Variants in XRCC5 observed in about 807,000 individuals in gnomAD.
XRCC5 encodes DNA repair protein Ku80.
XRCC5 carries 12 observed loss-of-function variants against 95.7 expected under a neutral mutation model. The observed-to-expected ratio is 0.13, with a 90% confidence interval of 0.08 to 0.20. XRCC5 has a LOEUF of 0.20. Among genes scored for constraint, XRCC5 ranks in the 10% least tolerant of loss-of-function variants. The pLI is 1.00. For synonymous variants in XRCC5, 281 were observed against 290.3 expected (o/e 0.97, Z 0.33); for missense variants, 595 against 873.9 (o/e 0.68, Z 4.02).
chr2:216,199,303 T>C (rs1574437174), intron 19 of XRCC5, among the ~76,000 whole-genome samples: 2 of 152,370 alleles, frequency 1.3e-5, no homozygotes, highest in East Asian at 3.9e-4. Context: ...ATTATAACTT[T>C]ACATTTGTAT....
In XRCC5 at chr2:216,161,970, A is replaced by G. The variant is rs767195521; in HGVS notation, c.1765-9A>G. 2 of 1,613,362 alleles carry G rather than the reference A, an allele frequency of 1.2e-6. No individual in the cohort carries two copies. Among genetic ancestry groups the G allele is most frequent in the East Asian group, 2.2e-5 (1 of 44,868 alleles). ...ACCTGTAGGTTTATCATCTGTTGGT[A>G]TATTTTAGGTTGGAAGTGTGAATCC... On this transcript the variant is annotated splice_polypyrimidine_tract_variant and intron_variant, in intron 15 of 20. Transcript: ENST00000392132.
chr2:216,141,751 T>C (rs1697176291), intron 13 of XRCC5, among the ~76,000 whole-genome samples: 1 of 151,932 alleles, frequency 6.6e-6, no homozygotes, highest in South Asian at 2.1e-4. Flanking sequence ...TTTGTAAAAA[T>C]TTTTGTGAAG....
chr2:216,118,627 C>G (rs1696745110), intron 4 of XRCC5, among the ~76,000 whole-genome samples: 1 of 152,202 alleles, frequency 6.6e-6, no homozygotes, highest in African/African-American at 2.4e-5. Flanking sequence ...TTCTCAATCT[C>G]TGTACATCCT....
intron 19 of XRCC5, 54 bp from the exon 20 acceptor site, chr2:216,204,268 T>A: frequency 6.2e-7 from 1 of 1,609,426 alleles, no homozygotes; most frequent in Non-Finnish European, 8.5e-7. Flanking sequence ...TTGTTCCCTC[T>A]TTCAAAGGGG....
chr2:216,203,107 G>A (rs1464597450), intron 19 of XRCC5, among the ~76,000 whole-genome samples: 1 of 152,140 alleles, frequency 6.6e-6, no homozygotes, highest in Non-Finnish European at 1.5e-5. Context: ...TGAGAGTGAG[G>A]AAAGTATAAT....
chr2:216,174,910 C>T, intron 16 of XRCC5: 1 of 344,308 alleles, frequency 2.9e-6, no homozygotes, highest in Non-Finnish European at 5.6e-6. Context: ...CCTTCTGCTA[C>T]CATATCCGTC....
At chr2:216,123,823 T>TA (rs1232953629) in intron 6 of XRCC5, among the ~76,000 whole-genome samples, 10 of 152,214 alleles carry the variant, frequency 6.6e-5, no homozygotes, top group African/African-American at 2.2e-4. Flanking sequence ...AAAGAAAAAT[T>TA]AGAGGCCAAT....
chr2:216,159,439 A>G (rs1010373304), intron 14 of XRCC5, among the ~76,000 whole-genome samples: 5 of 152,216 alleles, frequency 3.3e-5, no homozygotes. Context: ...CTGTTAGCAT[A>G]TTGCACAAAA....
intron 16 of XRCC5, among the ~76,000 whole-genome samples, chr2:216,174,023 G>T (rs770607585): frequency 6.6e-6 from 1 of 152,112 alleles, no homozygotes; most frequent in African/African-American, 2.4e-5. Flanking sequence ...TTTGGTTTTG[G>T]TAACAGGAAA....
intron 19 of XRCC5, among the ~76,000 whole-genome samples, chr2:216,196,148 C>G (rs1689714389): frequency 6.6e-6 from 1 of 151,568 alleles, no homozygotes; most frequent in Non-Finnish European, 1.5e-5. Flanking sequence ...TGGCAGAAAC[C>G]ATGTTTGGAA....
intron 16 of XRCC5, among the ~76,000 whole-genome samples, chr2:216,168,609 AAAATGTAGCCTGGC>A (rs1161805770): frequency 6.6e-6 from 1 of 152,220 alleles, no homozygotes; most frequent in Non-Finnish European, 1.5e-5. Flanking sequence ...TAGCTCTTGT[AAAATGTAGCCTGGC>A]TATCCATTAA....
At chr2:216,187,303 T>TTTC (rs1689511543) in intron 16 of XRCC5, among the ~76,000 whole-genome samples, 1 of 151,962 alleles carries the variant, frequency 6.6e-6, no homozygotes. Flanking sequence ...GGACTTCATT[T>TTTC]TTTTTTTTAC....
At chr2:216,205,133 G>A in intron 20 of XRCC5, 55 bp from the exon 21 acceptor site, 1 of 1,606,638 alleles carries the variant, frequency 6.2e-7, no homozygotes, top group Non-Finnish European at 8.5e-7. Flanking sequence ...CACCAGAGAA[G>A]CAGTGGTATG....
In XRCC5 at chr2:216,200,909, G is replaced by A. The variant is rs367934723; in HGVS notation, c.2110-3413G>A. On this transcript the variant is annotated intron_variant, in intron 19 of 20. Transcript: ENST00000392132. ...TTTGGCAGTTATGAATAAAGATGCT[G>A]TGGATATTCTTGTACATACCACTTG... Among the ~76,000 whole-genome samples, 8 of 152,176 alleles carry A rather than the reference G, an allele frequency of 5.3e-5. No individual in the cohort carries two copies. In the East Asian group the frequency reaches 1.3e-3, roughly 26 times the overall value.
At chr2:216,136,390 G>T (rs1181037854) in intron 10 of XRCC5, among the ~76,000 whole-genome samples, 1 of 150,426 alleles carries the variant, frequency 6.6e-6, no homozygotes, top group Non-Finnish European at 1.5e-5. Flanking sequence ...AGAATGTACA[G>T]ATTTTTGATT....
chr2:216,174,778 C>G (rs931621431), intron 16 of XRCC5: 1 of 183,980 alleles, frequency 5.4e-6, no homozygotes, highest in African/African-American at 2.4e-5. Context: ...CCTTCTGTGG[C>G]AGATTTTTAC....
At chr2:216,197,028 C>A (rs532151432) in intron 19 of XRCC5, among the ~76,000 whole-genome samples, 1 of 152,266 alleles carries the variant, frequency 6.6e-6, no homozygotes, top group Non-Finnish European at 1.5e-5. Context: ...GAGCCATGAC[C>A]TAAAAAAGCT....
At chr2:216,162,407 CT>C (rs200680768) in intron 16 of XRCC5, among the ~76,000 whole-genome samples, 36,739 of 145,958 alleles carry the variant, frequency 0.25, 5,522 homozygotes, top group Non-Finnish European at 0.36. Context: ...CCTTTTTTTT[CT>C]TTTTTTTTTT....
intron 16 of XRCC5, among the ~76,000 whole-genome samples, chr2:216,182,484 T>C (rs207947): frequency 2.4e-3 from 359 of 152,334 alleles, no homozygotes; most frequent in Non-Finnish European, 4.2e-3. Flanking sequence ...GATAAGGTTC[T>C]TAATTCTTCT....
Sources: gnomAD v4.1 joint callset for allele counts (sites outside exome capture counted in the v4.1 genomes callset) on GRCh38, gnomAD v4.1.1 for gene constraint, MANE v1.5 for transcripts, NCBI Gene and HGNC (gene_info 2026-07-23, HGNC 2026-07-21) for gene names.